Variants in FAM20B observed in about 807,000 individuals in gnomAD.
The protein encoded by FAM20B is glycosaminoglycan xylosylkinase.
In FAM20B, 23 loss-of-function variants were observed where a neutral mutation model predicts 43.8. The observed-to-expected ratio is 0.53, with a 90% CI of 0.38 to 0.74. The LOEUF (loss-of-function observed/expected upper bound fraction) is 0.74. FAM20B is among the 30% of genes least tolerant of loss of function. FAM20B has a pLI of 0.00. For missense variants in FAM20B, 440 were observed against 510.5 expected, an observed-to-expected ratio of 0.86 and a Z score of 1.33; for synonymous variants, 178 against 192.4, an observed-to-expected ratio of 0.93 and a Z score of 0.62.
intron 1 of FAM20B, among the ~76,000 whole-genome samples, chr1:179,040,097 C>T (rs1296298609): frequency 1.3e-5 from 2 of 152,220 alleles, no homozygotes; most frequent in Non-Finnish European, 2.9e-5. Flanking sequence ...CTTTTCTTAG[C>T]ACAGAACAAA....
chr1:179,067,555 G>C (rs1651740917), intron 7 of FAM20B, among the ~76,000 whole-genome samples: 1 of 152,066 alleles, frequency 6.6e-6, no homozygotes, highest in African/African-American at 2.4e-5. Context: ...AGTGAGCCGA[G>C]ATTGTGCCAT....
intron 7 of FAM20B, among the ~76,000 whole-genome samples, chr1:179,070,847 G>T (rs1651892053): frequency 6.6e-6 from 1 of 151,666 alleles, no homozygotes; most frequent in South Asian, 2.1e-4. Flanking sequence ...AACAGCATTA[G>T]TTCCACCCAT....
intron 1 of FAM20B, among the ~76,000 whole-genome samples, chr1:179,037,860 C>G (rs933042766): frequency 1.3e-5 from 2 of 151,930 alleles, no homozygotes; most frequent in Non-Finnish European, 2.9e-5. Flanking sequence ...TGAATGTGTT[C>G]GTCTGAGGCC....
intron 2 of FAM20B, among the ~76,000 whole-genome samples, chr1:179,048,794 A>G (rs1286020966): frequency 6.6e-6 from 1 of 152,276 alleles, no homozygotes; most frequent in Non-Finnish European, 1.5e-5. Flanking sequence ...AAGGTGATAC[A>G]TGGCTGTCTT....
At chr1:179,064,643 T>C in intron 6 of FAM20B, 147 bp downstream of exon 6, 2 of 608,448 alleles carry the variant, frequency 3.3e-6, no homozygotes, top group Non-Finnish European at 5.7e-6. Context: ...TATTGGTACC[T>C]GTCCTTCTCT....
intron 1 of FAM20B, among the ~76,000 whole-genome samples, chr1:179,028,024 C>T (rs4652346): frequency 0.39 from 59,519 of 152,010 alleles, 11,914 homozygotes; most frequent in African/African-American, 0.45. Context: ...TGCTTCTTAT[C>T]TCTTCTGAAT....
At chr1:179,063,291 TAGTG>T (rs1178375372) in intron 4 of FAM20B, among the ~76,000 whole-genome samples, 11 of 150,164 alleles carry the variant, frequency 7.3e-5, no homozygotes, top group Admixed American at 6.0e-4. Flanking sequence ...AAAAATAAAA[TAGTG>T]AGTTTAGAGG....
intron 3 of FAM20B, among the ~76,000 whole-genome samples, chr1:179,051,829 G>T (rs1366533182): frequency 6.6e-6 from 1 of 151,950 alleles, no homozygotes; most frequent in Non-Finnish European, 1.5e-5. Context: ...TGTATTTTTA[G>T]TAAACACGGG....
At chr1:179,018,915 C>T in the FAM20B span, among the ~76,000 whole-genome samples, 3 of 152,184 alleles carry the variant, frequency 2.0e-5, no homozygotes, top group South Asian at 6.2e-4. Context: ...ACCTGAGAGC[C>T]AGAGGGCCGA....
In FAM20B at chr1:179,064,030, A is replaced by G. The variant is rs745696042; in HGVS notation, c.678A>G (p.Pro226=). Residue 226 remains proline, a synonymous_variant, in exon 5 of 8, where the codon CCA becomes CCG. Transcript: ENST00000263733. ...IMEGSVTLWL[P]DVWPLQKHRH... ...AGGGATCTGTCACACTTTGGCTTCC[A>G]GATGTGTGGCCTCTGCAGAAGCACC... is the stretch of plus-strand genomic sequence containing the variant. 6.2e-7 allele frequency: 1 copy of G among 1,614,010 alleles called. No individual in the cohort carries two copies. The highest frequency in any genetic ancestry group is 1.1e-5 in the South Asian group (1 of 91,080).
intron 1 of FAM20B, among the ~76,000 whole-genome samples, chr1:179,040,907 C>G (rs1440788161): frequency 6.7e-6 from 1 of 148,828 alleles, no homozygotes; most frequent in Non-Finnish European, 1.5e-5. Flanking sequence ...ACGGGGCGGC[C>G]GGGCAGAGAC....
At position 179,063,129 on chromosome 1, in the gene FAM20B, T is replaced by G. The variant is rs369641797; in HGVS notation, c.575-798T>G. ...CTGTCTCTACTACAAATACAAAAAT[T>G]AGCCAAGCATGGTGGCATGCGCCTG... On this transcript the variant is annotated intron_variant, in intron 4 of 7. Transcript: ENST00000263733. Among the ~76,000 whole-genome samples, 10 of 152,142 alleles carry G rather than the reference T, an allele frequency of 6.6e-5. No homozygotes were observed. The East Asian group carries it at 1.7e-3, about 27-fold the overall frequency.
intron 6 of FAM20B, among the ~76,000 whole-genome samples, chr1:179,064,919 A>G (rs1651626775): frequency 6.6e-6 from 1 of 152,142 alleles, no homozygotes; most frequent in Admixed American, 6.6e-5. Flanking sequence ...ATGTTTTGCT[A>G]TTTTTGTGTT....
rs1023688111 is a variant in FAM20B at position 179,072,681 on chromosome 1, A to G, written c.*537A>G. 2 of 152,792 alleles carry G rather than the reference A, an allele frequency of 1.3e-5. No individual in the cohort carries two copies. The highest frequency in any genetic ancestry group is 4.8e-5 in the African/African-American group (2 of 41,442). The allele number at this position is 152,792 out of a possible 1,614,324, so 9.5% of individuals were successfully genotyped here. On this transcript the variant is annotated 3_prime_UTR_variant, in exon 8 of 8. Coordinates refer to ENST00000263733, the MANE Select transcript of FAM20B (RefSeq NM_014864.4). ...CTCTGTTAGAGGAGATACATGTTTA[A>G]GATAGAATTGGAGGGAAGGACAAAA...
At chr1:179,056,325 A>G (rs1274941818) in intron 4 of FAM20B, among the ~76,000 whole-genome samples, 2 of 152,186 alleles carry the variant, frequency 1.3e-5, no homozygotes. Context: ...TCCCCTTGCA[A>G]CTACTGATCT....
intron 7 of FAM20B, among the ~76,000 whole-genome samples, chr1:179,070,709 G>A (rs910865634): frequency 6.6e-6 from 1 of 151,608 alleles, no homozygotes; most frequent in Admixed American, 6.6e-5. Flanking sequence ...ATTTTTAGTA[G>A]AGACGGGGTT....
At chr1:179,033,581 A>G (rs1453761858) in intron 1 of FAM20B, among the ~76,000 whole-genome samples, 3 of 152,204 alleles carry the variant, frequency 2.0e-5, no homozygotes, top group East Asian at 1.9e-4. Flanking sequence ...TATTTTTACT[A>G]TCCCCAAAAG....
chr1:179,018,853 G>A, the FAM20B span, among the ~76,000 whole-genome samples: 1 of 152,102 alleles, frequency 6.6e-6, no homozygotes, highest in African/African-American at 2.4e-5. Context: ...AGGTTGAGAA[G>A]TCCCACAATC....
chr1:179,054,514 A>G lies in FAM20B; in HGVS notation c.465-15A>G, dbSNP rs1024015984. 2 of 1,555,634 alleles carry G rather than the reference A, an allele frequency of 1.3e-6. No homozygotes were observed. The highest frequency in any genetic ancestry group is 2.7e-5 in the African/African-American group (2 of 73,684). On this transcript the variant is annotated splice_polypyrimidine_tract_variant and intron_variant, in intron 3 of 7. Transcript: ENST00000263733. ...CTAAGATTTTTCTCTTCTGTTCTTCAATCTTCCAAACCAGGATTCTGGGTT... is the reference window on the plus strand; with the variant it reads ...CTAAGATTTTTCTCTTCTGTTCTTCGATCTTCCAAACCAGGATTCTGGGTT...
Sources: allele counts gnomAD v4.1 joint callset (sites outside exome capture counted in the v4.1 genomes callset), GRCh38; gene constraint gnomAD v4.1.1; transcripts MANE v1.5; gene names NCBI Gene and HGNC (gene_info 2026-07-23, HGNC 2026-07-21).